Variants in ANKRD45 observed in about 807,000 individuals in gnomAD.
The protein encoded by ANKRD45 is ankyrin repeat domain 45, also known as ankyrin repeat domain-containing protein 45.
In ANKRD45, 21 loss-of-function variants were observed where a neutral mutation model predicts 28.1. That is an observed-to-expected ratio of 0.75 (90% CI 0.53 to 1.08). The LOEUF is 1.08. Ranked by LOEUF, ANKRD45 falls within the 50% of genes least tolerant of loss-of-function variation. The pLI, the probability that ANKRD45 is intolerant of heterozygous loss-of-function variation, is 0.00. For missense variants in ANKRD45, 261 were observed against 308.7 expected, an observed-to-expected ratio of 0.85 and a Z score of 1.16; for synonymous variants, 86 against 103.9, an observed-to-expected ratio of 0.83 and a Z score of 1.05.
the ANKRD45 span, among the ~76,000 whole-genome samples, chr1:173,679,696 G>A: frequency 2.0e-5 from 3 of 152,062 alleles, no homozygotes; most frequent in Non-Finnish European, 4.4e-5. Flanking sequence ...TAGACAAATG[G>A]GATCTAATTA....
In ANKRD45 at chr1:173,625,191, A is replaced by G. The variant is rs144783027; in HGVS notation, c.592-266T>C. 9.9e-5 allele frequency among the ~76,000 whole-genome samples: 15 copies of G among 152,246 alleles called. No individual in the cohort carries two copies. The East Asian group carries it at 1.2e-3, about 12-fold the overall frequency. On this transcript the variant is annotated intron_variant, in intron 4 of 5. Coordinates refer to ENST00000333279, the MANE Select transcript of ANKRD45 (RefSeq NM_198493.3). ...GTCACATGTGGCTAGTATCTATTAT[A>G]TTGGACAGTGCAGCTCTAACATTAG...
the ANKRD45 span, among the ~76,000 whole-genome samples, chr1:173,689,461 T>C: frequency 6.6e-6 from 1 of 152,182 alleles, no homozygotes; most frequent in Non-Finnish European, 1.5e-5. Context: ...GTATACTTTC[T>C]GAGCTTCCCT....
the ANKRD45 span, among the ~76,000 whole-genome samples, chr1:173,698,635 C>T: frequency 6.6e-6 from 1 of 152,112 alleles, no homozygotes; most frequent in Non-Finnish European, 1.5e-5. Context: ...AACAAAGACA[C>T]AATGTACCAG....
At chr1:173,655,555 T>G (rs1669465270) in intron 2 of ANKRD45, among the ~76,000 whole-genome samples, 1 of 152,134 alleles carries the variant, frequency 6.6e-6, no homozygotes, top group South Asian at 2.1e-4. Context: ...GTCTCCCAGT[T>G]AGGCTACATG....
chr1:173,640,246 T>C (rs994008281), intron 3 of ANKRD45, among the ~76,000 whole-genome samples: 10 of 151,964 alleles, frequency 6.6e-5, no homozygotes, highest in African/African-American at 2.4e-4. Flanking sequence ...TACCTTTTCT[T>C]CTCTTAAGGT....
At chr1:173,688,054 C>A in the ANKRD45 span, among the ~76,000 whole-genome samples, 1 of 149,190 alleles carries the variant, frequency 6.7e-6, no homozygotes, top group African/African-American at 2.5e-5. Flanking sequence ...GTTGTCGCTA[C>A]AGATTGAATG....
chr1:173,711,672 T>C, the ANKRD45 span, among the ~76,000 whole-genome samples: 4 of 152,258 alleles, frequency 2.6e-5, no homozygotes, highest in African/African-American at 9.6e-5. Flanking sequence ...ATCTATTTCA[T>C]GTGTATTTTC....
intron 2 of ANKRD45, chr1:173,658,686 GA>G (rs1669652785): frequency 6.5e-6 from 1 of 153,214 alleles, no homozygotes; most frequent in African/African-American, 2.4e-5. Context: ...ATCTTCAAAG[GA>G]AAGAGATAAC....
chr1:173,669,901 A>T (rs1479508735), upstream of ANKRD45: 1 of 169,554 alleles, frequency 5.9e-6, no homozygotes, highest in Non-Finnish European at 1.5e-5. Context: ...CGGTTCCGGC[A>T]GCGCGGGAAG....
At chr1:173,625,294 T>G (rs554399025) in intron 4 of ANKRD45, among the ~76,000 whole-genome samples, 31 of 152,228 alleles carry the variant, frequency 2.0e-4, no homozygotes, top group African/African-American at 7.2e-4. Flanking sequence ...CCTAATTCTT[T>G]ATTTTTGTTA....
At chr1:173,639,668 A>G (rs1474637740) in intron 3 of ANKRD45, among the ~76,000 whole-genome samples, 1 of 152,212 alleles carries the variant, frequency 6.6e-6, no homozygotes, top group African/African-American at 2.4e-5. Flanking sequence ...AATCACCTCC[A>G]AGGGGGAGGG....
At chr1:173,679,558 A>G in the ANKRD45 span, among the ~76,000 whole-genome samples, 1 of 152,166 alleles carries the variant, frequency 6.6e-6, no homozygotes, top group African/African-American at 2.4e-5. Flanking sequence ...AAGATGGATT[A>G]AGACTTAAAT....
the ANKRD45 span, among the ~76,000 whole-genome samples, chr1:173,680,969 TG>T: frequency 1.0e-3 from 10 of 9,618 alleles, no homozygotes; most frequent in Non-Finnish European, 2.0e-3. Flanking sequence ...TGATGGTGGG[TG>T]GGGGGGAGGC....
chr1:173,696,626 G>A, the ANKRD45 span, among the ~76,000 whole-genome samples: 1 of 152,158 alleles, frequency 6.6e-6, no homozygotes, highest in African/African-American at 2.4e-5. Flanking sequence ...TGTTCCATTG[G>A]TCTATGGGTC....
intron 5 of ANKRD45, among the ~76,000 whole-genome samples, chr1:173,615,404 A>G (rs1289752552): frequency 6.9e-6 from 1 of 145,644 alleles, no homozygotes; most frequent in Non-Finnish European, 1.5e-5. Context: ...AAAAAAAAAA[A>G]TGCCCCCCAA....
At chr1:173,656,108 C>T (rs1053292609) in intron 2 of ANKRD45, among the ~76,000 whole-genome samples, 3 of 152,212 alleles carry the variant, frequency 2.0e-5, no homozygotes, top group Non-Finnish European at 2.9e-5. Context: ...CCACGGGCTG[C>T]ACCCAATGTC....
At chr1:173,632,537 A>C (rs975856862) in intron 3 of ANKRD45, among the ~76,000 whole-genome samples, 8 of 151,646 alleles carry the variant, frequency 5.3e-5, no homozygotes, top group African/African-American at 1.9e-4. Context: ...TCAAAAAAAA[A>C]AAAAACAAAA....
intron 5 of ANKRD45, among the ~76,000 whole-genome samples, chr1:173,620,287 T>G (rs535945274): frequency 1.3e-5 from 2 of 152,284 alleles, no homozygotes; most frequent in East Asian, 3.9e-4. Flanking sequence ...TAGAATTCGA[T>G]GCTAAGAAAT....
chr1:173,688,824 GTCTC>G, the ANKRD45 span, among the ~76,000 whole-genome samples: 2 of 145,054 alleles, frequency 1.4e-5, no homozygotes, highest in African/African-American at 2.6e-5. Flanking sequence ...TTTCCTCTCT[GTCTC>G]TCTCTCTCTC....
Sources: gnomAD v4.1 joint callset for allele counts (sites outside exome capture counted in the v4.1 genomes callset) on GRCh38, gnomAD v4.1.1 for gene constraint, MANE v1.5 for transcripts, NCBI Gene and HGNC (gene_info 2026-07-23, HGNC 2026-07-21) for gene names.